ZC3H18: variants seen among roughly 807,000 people sequenced by gnomAD.
The protein encoded by ZC3H18 is zinc finger CCCH domain-containing protein 18.
In ZC3H18, 8 loss-of-function variants were observed where a neutral mutation model predicts 106.1. That is an observed-to-expected ratio of 0.08 (90% confidence interval 0.04 to 0.14). ZC3H18 has a LOEUF of 0.14. ZC3H18 is among the 10% of genes least tolerant of loss of function. The pLI is 1.00. For synonymous variants in ZC3H18, 635 were observed against 522.1 expected, an observed-to-expected ratio of 1.22 and a Z score of -2.95; for missense variants, 1,318 against 1,278.4, an observed-to-expected ratio of 1.03 and a Z score of -0.47.
chr16:88,577,420 G>A lies in ZC3H18; in HGVS notation c.297G>A (p.Glu99=), dbSNP rs938410789. The A allele has an allele frequency of 1.9e-6, 3 of 1,605,398 alleles. No individual in the cohort carries two copies. The highest frequency in any genetic ancestry group is 2.6e-6 in the Non-Finnish European group (3 of 1,174,750). ...GCCCGACCAGCTCCCCCTGCGAGGA[G>A]GAGGGGGACGAAGGGGAGGAAGACC... The part of the protein sequence containing the change: ...SRGPTSSPCE[E]EGDEGEEDRT... Residue 99 remains glutamate (E), a synonymous_variant, in exon 2 of 18, where the codon GAG becomes GAA. Transcript: ENST00000301011.
chr16:88,602,902 C>T lies in ZC3H18; in HGVS notation c.1088+2954C>T, dbSNP rs77070207. ...AGCTCTAGGCACTTCATTGTAGAAC[C>T]AGTGGAATATGAGGACTTTTCGAGA... On this transcript the variant is annotated intron_variant, in intron 6 of 17. Transcript: ENST00000301011. Among the ~76,000 whole-genome samples the T allele has an allele frequency of 2.3e-3, 352 of 152,122 alleles. 1 individual carries two copies. The highest frequency in any genetic ancestry group is 8.1e-3 in the African/African-American group (337 of 41,504).
chr16:88,593,026 G>A (rs769216117), intron 3 of ZC3H18, among the ~76,000 whole-genome samples: 4 of 152,118 alleles, frequency 2.6e-5, no homozygotes, highest in South Asian at 2.1e-4. Context: ...TATAAGTTAC[G>A]CACAGTAAGA....
chr16:88,596,408 G>A (rs935631844), intron 3 of ZC3H18, among the ~76,000 whole-genome samples: 1 of 152,102 alleles, frequency 6.6e-6, no homozygotes, highest in Non-Finnish European at 1.5e-5. Flanking sequence ...TTGGGAGGCC[G>A]AGGCTGGCAG....
intron 8 of ZC3H18, among the ~76,000 whole-genome samples, chr16:88,619,430 G>C (rs1460767781): frequency 6.6e-6 from 1 of 152,212 alleles, no homozygotes; most frequent in African/African-American, 2.4e-5. Context: ...GCGGCCGGCG[G>C]CAGCGGAGGG....
chr16:88,599,713 G>A (rs1945488700), intron 5 of ZC3H18, 78 bp from the exon 6 acceptor site: 2 of 1,520,602 alleles, frequency 1.3e-6, no homozygotes, highest in African/African-American at 1.4e-5. Context: ...GGTCGGGTGG[G>A]ACGGCTCCCT....
intron 6 of ZC3H18, among the ~76,000 whole-genome samples, chr16:88,601,588 A>G (rs563988385): frequency 6.6e-6 from 1 of 152,222 alleles, no homozygotes; most frequent in East Asian, 1.9e-4. Flanking sequence ...TCCTGGCACC[A>G]GGTGACAGAA....
At position 88,627,497 on chromosome 16, in the gene ZC3H18, A is replaced by AT. The variant is rs1417913100; in HGVS notation, c.2109-124dup. ...TGAAACTGCCCAGTGTCCCCCCAAA[A>AT]TCACACATTCCGTGGGTACATGATC... On this transcript the variant is annotated intron_variant, in intron 13 of 17. Coordinates refer to ENST00000301011, the MANE Select transcript of ZC3H18 (RefSeq NM_144604.4). This position sits in a 1 kb window ranked among gnomAD's most constrained non-coding sequence, Gnocchi z 4.5. The AT allele has an allele frequency of 5.9e-6, 8 of 1,354,552 alleles. No homozygotes were observed. Among genetic ancestry groups the AT allele is most frequent in the Non-Finnish European group, 3.0e-6 (3 of 1,001,764 alleles). The allele number at this position is 1,354,552 out of a possible 1,614,324, so 83.9% of individuals were successfully genotyped here.
chr16:88,596,538 G>A (rs897660164), intron 3 of ZC3H18, among the ~76,000 whole-genome samples: 1 of 152,094 alleles, frequency 6.6e-6, no homozygotes, highest in East Asian at 1.9e-4. Context: ...TACTCAGGAG[G>A]CTGAGGCAGG....
chr16:88,602,554 T>G (rs1904802779), intron 6 of ZC3H18, among the ~76,000 whole-genome samples: 1 of 152,244 alleles, frequency 6.6e-6, no homozygotes, highest in Non-Finnish European at 1.5e-5. Context: ...GCCAGTGGTT[T>G]GTTTTTAACA....
chr16:88,572,104 G>T (rs1422537685), intron 1 of ZC3H18, among the ~76,000 whole-genome samples: 1 of 152,238 alleles, frequency 6.6e-6, no homozygotes, highest in African/African-American at 2.4e-5. Context: ...GTGAGACTCT[G>T]ACTTGCAGCA....
At chr16:88,607,290 G>A (rs1442982253) in intron 6 of ZC3H18, among the ~76,000 whole-genome samples, 1 of 152,174 alleles carries the variant, frequency 6.6e-6, no homozygotes, top group Admixed American at 6.5e-5. Context: ...GGCTTTTTAG[G>A]ATGTTTAATG....
Position 88,631,366 on chromosome 16 carries a change from A to C in ZC3H18, c.*67A>C. 1 of 1,532,572 alleles carries C rather than the reference A, an allele frequency of 6.5e-7. No individual in the cohort carries two copies. The highest frequency in any genetic ancestry group is 8.8e-7 in the Non-Finnish European group (1 of 1,133,734). The allele number at this position is 1,532,572 out of a possible 1,614,324, so 94.9% of individuals were successfully genotyped here. The stretch of plus-strand genomic sequence containing the variant: ...TAAGCGCAGCCATTTTGGATTTTGC[A>C]GTTAATGTCTTATTTTGGCTGTGAT... On this transcript the variant is annotated 3_prime_UTR_variant, in exon 18 of 18. Transcript: ENST00000301011.
At chr16:88,618,843 G>C (rs1905784027) in intron 8 of ZC3H18, among the ~76,000 whole-genome samples, 1 of 152,220 alleles carries the variant, frequency 6.6e-6, no homozygotes, top group African/African-American at 2.4e-5. Context: ...GCCCAGCTTG[G>C]AGGTGGGCCT....
Position 88,627,235 on chromosome 16 carries a change from A to C in ZC3H18, c.2109-387A>C, listed in dbSNP as rs900686168. The C allele has an allele frequency of 6.3e-6, 1 of 158,518 alleles. No individual in the cohort carries two copies. Among genetic ancestry groups the C allele is most frequent in the Non-Finnish European group, 1.4e-5 (1 of 72,270 alleles). 9.8% of individuals were successfully genotyped at this position (158,518 alleles called of 1,614,324 possible). A position where few individuals can be genotyped will look rare whatever the true frequency, so the allele number is the denominator to read the frequency against. ...CAGGCGCCTGCGACCACGCCCGGCT[A>C]ATTTTTGTATTTTTAGTAGAGATGG... On this transcript the variant is annotated intron_variant, in intron 13 of 17. Transcript: ENST00000301011. This position sits in a 1 kb window ranked among gnomAD's most constrained non-coding sequence, Gnocchi z 4.5.
intron 2 of ZC3H18, among the ~76,000 whole-genome samples, chr16:88,578,884 C>A (rs1041951353): frequency 1.3e-5 from 2 of 152,168 alleles, no homozygotes; most frequent in Non-Finnish European, 2.9e-5. Flanking sequence ...GATGAGGTGT[C>A]GCCCTGTTGG....
At chr16:88,598,801 G>C (rs1383079223) in intron 5 of ZC3H18, 89 bp downstream of exon 5, 3 of 1,222,096 alleles carry the variant, frequency 2.5e-6, no homozygotes, top group Non-Finnish European at 3.5e-6. Context: ...GGTCCAGAGA[G>C]AGCCCCAGAA....
chr16:88,630,394 T>G, intron 16 of ZC3H18, 91 bp from the exon 17 acceptor site: 1 of 975,776 alleles, frequency 1.0e-6, no homozygotes, highest in Non-Finnish European at 1.6e-6. Flanking sequence ...GCCTCAGGCT[T>G]TAGAAGTGAG....
At position 88,608,962 on chromosome 16, in the gene ZC3H18, G is replaced by T; in HGVS notation, c.1117G>T (p.Asp373Tyr). ...CGAGCCTTACGCAGACCCTTATTAT[G>T]ACTATGAAATTGAGCGGTTTTGGCG... ...VLEPYADPYY[D>Y]YEIERFWRGG... Residue 373 changes from aspartate (D) to tyrosine (Y), a missense_variant, in exon 7 of 18, where the codon GAC becomes TAC. Physicochemically the swap from Asp to Tyr is radical, Grantham distance 160. Coordinates refer to ENST00000301011, the MANE Select transcript of ZC3H18 (RefSeq NM_144604.4). The T allele has an allele frequency of 6.2e-7, 1 of 1,613,738 alleles. No individual in the cohort carries two copies. The highest frequency in any genetic ancestry group is 1.1e-5 in the South Asian group (1 of 91,042).
In ZC3H18 at chr16:88,596,605, A is replaced by G. The variant is rs528702097; in HGVS notation, c.689-1573A>G. ...CAGTGAGCCGAGATTGCATCATTGC[A>G]CTCCAGCCTGGGACTGTCTCACTCA... On this transcript the variant is annotated intron_variant, in intron 3 of 17. Coordinates refer to ENST00000301011, the MANE Select transcript of ZC3H18 (RefSeq NM_144604.4). 3.8e-4 allele frequency among the ~76,000 whole-genome samples: 58 copies of G among 152,048 alleles called. 1 individual carries two copies. In the East Asian group the frequency reaches 0.01, roughly 27 times the overall value.
Sources: allele counts gnomAD v4.1 joint callset (sites outside exome capture counted in the v4.1 genomes callset), GRCh38; gene constraint gnomAD v4.1.1; non-coding constraint Gnocchi (gnomAD v3.1); transcripts MANE v1.5; gene names NCBI Gene and HGNC (gene_info 2026-07-23, HGNC 2026-07-21).